Variants in TBX5 observed in about 807,000 individuals in gnomAD.
TBX5 encodes T-box transcription factor TBX5.
A neutral mutation model predicts 51.1 loss-of-function variants in TBX5; 8 were observed. The observed-to-expected ratio is 0.16, with a 90% CI of 0.09 to 0.28. The LOEUF (loss-of-function observed/expected upper bound fraction) is 0.28, where lower values mean the gene tolerates loss of function less well. TBX5 is among the 10% of genes least tolerant of loss of function. The pLI is 1.00. For synonymous variants in TBX5, 302 were observed against 266.4 expected (o/e 1.13, Z -1.30); for missense variants, 589 against 671.7 (o/e 0.88, Z 1.36).
chr12:114,372,977 T>A (rs531795223), intron 7 of TBX5, among the ~76,000 whole-genome samples: 1 of 103,616 alleles, frequency 9.7e-6, no homozygotes. Context: ...CGAATATATA[T>A]ACATACACAC....
rs755790672 is a variant in TBX5 at position 114,403,816 on chromosome 12, G to A, written c.83C>T (p.Pro28Leu). The stretch of plus-strand genomic sequence containing the variant: ...GCTGGGGGCCCCGAGCGCGCTCTCG[G>A]GTTTCGAATCGCAGGGCAGGTCTTT... ...DAKDLPCDSK[P>L]ESALGAPSKS... Residue 28 changes from proline (P) to leucine (L), a missense_variant, in exon 2 of 9, where the codon CCC becomes CTC. Coordinates refer to ENST00000405440, the MANE Select transcript of TBX5 (RefSeq NM_181486.4). 6.2e-7 allele frequency: 1 copy of A among 1,614,018 alleles called. No individual in the cohort carries two copies. Among genetic ancestry groups the A allele is most frequent in the Non-Finnish European group, 8.5e-7 (1 of 1,180,044 alleles).
chr12:114,380,441 C>T (rs1870445048), intron 7 of TBX5, among the ~76,000 whole-genome samples: 1 of 152,166 alleles, frequency 6.6e-6, no homozygotes, highest in African/African-American at 2.4e-5. Context: ...AATATTTCCT[C>T]TTTAATCAGC....
At chr12:114,400,467 G>A (rs1050699547) in intron 3 of TBX5, among the ~76,000 whole-genome samples, 3 of 152,250 alleles carry the variant, frequency 2.0e-5, no homozygotes, top group African/African-American at 4.8e-5. Flanking sequence ...TCCACCTTCT[G>A]AGGAACATGC....
chr12:114,401,081 C>G (rs971360463), intron 3 of TBX5, among the ~76,000 whole-genome samples: 10 of 152,234 alleles, frequency 6.6e-5, no homozygotes, highest in African/African-American at 2.2e-4. Context: ...CCTGGGCGCG[C>G]GCGTGCACAT....
At chr12:114,388,880 A>T (rs1056314598) in intron 6 of TBX5, among the ~76,000 whole-genome samples, 2 of 151,468 alleles carry the variant, frequency 1.3e-5, no homozygotes, top group Non-Finnish European at 2.9e-5. Context: ...CACCACACCC[A>T]GCCCATTTTT....
At chr12:114,365,893 C>T (rs959737986) in intron 8 of TBX5, among the ~76,000 whole-genome samples, 1 of 151,228 alleles carries the variant, frequency 6.6e-6, no homozygotes, top group African/African-American at 2.4e-5. Context: ...GCACTCGCCA[C>T]GTGTATGTGT....
At chr12:114,398,444 G>T in intron 5 of TBX5, 129 bp downstream of exon 5, 2 of 1,345,184 alleles carry the variant, frequency 1.5e-6, no homozygotes, top group Non-Finnish European at 2.1e-6. Context: ...CGACGAAAGT[G>T]GGGGAAAATG....
intron 7 of TBX5, among the ~76,000 whole-genome samples, chr12:114,381,383 C>A (rs1467515515): frequency 6.6e-6 from 1 of 152,122 alleles, no homozygotes; most frequent in African/African-American, 2.4e-5. Flanking sequence ...CCGTTCCTGC[C>A]TGGCTGTTAT....
At chr12:114,389,153 C>A (rs1871005606) in intron 6 of TBX5, among the ~76,000 whole-genome samples, 1 of 151,968 alleles carries the variant, frequency 6.6e-6, no homozygotes, top group Non-Finnish European at 1.5e-5. Context: ...CTCTTGAACT[C>A]CTGGCCTCAA....
chr12:114,396,169 G>A (rs1871410127), intron 5 of TBX5, among the ~76,000 whole-genome samples: 1 of 151,958 alleles, frequency 6.6e-6, no homozygotes, highest in Non-Finnish European at 1.5e-5. Flanking sequence ...GGGGAGGGAC[G>A]AGGAACTCGC....
At chr12:114,356,236 A>G (rs566876542) in intron 8 of TBX5, 130 bp from the exon 9 acceptor site, 891 of 911,414 alleles carry the variant, frequency 9.8e-4, no homozygotes, top group Non-Finnish European at 1.5e-3. Flanking sequence ...GCCATTCTGA[A>G]TACAAAAAAA....
At chr12:114,366,680 A>C (rs1275077877) in intron 7 of TBX5, among the ~76,000 whole-genome samples, 1 of 152,232 alleles carries the variant, frequency 6.6e-6, no homozygotes, top group Non-Finnish European at 1.5e-5. Context: ...CCCTTTTAAC[A>C]ATCAATAAAC....
At chr12:114,383,435 T>A (rs1304626426) in intron 7 of TBX5, among the ~76,000 whole-genome samples, 1 of 152,054 alleles carries the variant, frequency 6.6e-6, no homozygotes, top group Non-Finnish European at 1.5e-5. Flanking sequence ...AGGACAAACC[T>A]AGGGGGGTGG....
At chr12:114,392,204 C>T (rs1387829473) in intron 6 of TBX5, among the ~76,000 whole-genome samples, 1 of 146,094 alleles carries the variant, frequency 6.8e-6, no homozygotes, top group Non-Finnish European at 1.5e-5. Context: ...AAAAAAATCA[C>T]ACATACACAC....
At chr12:114,399,375 G>C in intron 4 of TBX5, 138 bp downstream of exon 4, 1 of 1,239,028 alleles carries the variant, frequency 8.1e-7, no homozygotes, top group South Asian at 1.3e-5. Flanking sequence ...AAAAAGCAAT[G>C]GGATAGGCGG....
At chr12:114,367,270 A>AGAAAGAAAAGAAAAGAAAC (rs1475823181) in intron 7 of TBX5, among the ~76,000 whole-genome samples, 13 of 152,128 alleles carry the variant, frequency 8.5e-5, no homozygotes, top group African/African-American at 3.1e-4. Context: ...AGAAAAGAAA[A>AGAAAGAAAAGAAAAGAAAC]GAAAAAATCA....
chr12:114,402,087 A>C (rs933344949), intron 2 of TBX5, among the ~76,000 whole-genome samples, 167 bp from the exon 3 acceptor site: 2 of 152,172 alleles, frequency 1.3e-5, no homozygotes, highest in African/African-American at 4.8e-5. Context: ...GGAGCACCCA[A>C]CAGCCTCTGC....
chr12:114,403,786 G>T lies in TBX5; in HGVS notation c.113C>A (p.Ser38Tyr). ...PESALGAPSK[S>Y]PSSPQAAFTQ... ...GAAGGCGGCCTGCGGGGACGACGGG[G>T]ACTTGCTGGGGGCCCCGAGCGCGCT... Residue 38 changes from serine to tyrosine, a missense_variant, in exon 2 of 9, where the codon TCC (serine) becomes TAC (tyrosine). Ser to Tyr is a moderately radical substitution (Grantham distance 144). Around this residue, in one of 7 missense-constraint regions of TBX5, gnomAD observed 101 missense variants for 83.3 expected, o/e 1.21. Transcript: ENST00000405440. 1 of 1,613,968 alleles carries T rather than the reference G, an allele frequency of 6.2e-7. No homozygotes were observed. The highest frequency in any genetic ancestry group is 8.5e-7 in the Non-Finnish European group (1 of 1,180,014).
chr12:114,381,614 G>A (rs1436472210), intron 7 of TBX5, among the ~76,000 whole-genome samples: 1 of 152,142 alleles, frequency 6.6e-6, no homozygotes, highest in East Asian at 1.9e-4. Context: ...AGAAAGTAGA[G>A]GCTATACTTA....
Sources: gnomAD v4.1 joint callset for allele counts (sites outside exome capture counted in the v4.1 genomes callset) on GRCh38, gnomAD v4.1.1 for gene constraint, gnomAD v4.1.1 regional missense constraint, MANE v1.5 for transcripts, NCBI Gene and HGNC (gene_info 2026-07-23, HGNC 2026-07-21) for gene names.